The following LMBR1 variants were observed in gnomAD, a reference collection of about 807,000 sequenced individuals.
The protein encoded by LMBR1 is limb development membrane protein 1.
In LMBR1, 52 loss-of-function variants were observed where a neutral mutation model predicts 73.9. That is an observed-to-expected ratio of 0.70 (90% CI 0.56 to 0.89). The LOEUF (loss-of-function observed/expected upper bound fraction) is 0.89, where lower values mean the gene tolerates loss of function less well. Ranked by LOEUF, LMBR1 falls within the 40% of genes least tolerant of loss-of-function variation. The pLI is 0.00. For synonymous variants in LMBR1, 215 were observed against 209.4 expected (o/e 1.03, Z -0.23); for missense variants, 539 against 579.8 (o/e 0.93, Z 0.72).
chr7:156,712,452 G>A lies in LMBR1; in HGVS notation c.1225+11660C>T, dbSNP rs542278547. 1.9e-4 allele frequency among the ~76,000 whole-genome samples: 29 copies of A among 152,288 alleles called. 1 individual carries two copies. Among genetic ancestry groups the A allele is most frequent in the South Asian group, 1.9e-3 (9 of 4,822 alleles). The stretch of plus-strand genomic sequence containing the variant: ...TACAACCTCTATGGAAAAACAGTAT[G>A]GAGATTTCTCAAAGAACTGAAAATA... On this transcript the variant is annotated intron_variant, in intron 15 of 16. Coordinates refer to ENST00000353442, the MANE Select transcript of LMBR1 (RefSeq NM_022458.4).
At chr7:156,724,265 A>G (rs944142582) in intron 14 of LMBR1, 87 bp from the exon 15 acceptor site, 13 of 982,970 alleles carry the variant, frequency 1.3e-5, no homozygotes, top group Non-Finnish European at 2.0e-5. Context: ...ATGATTGTGC[A>G]TTCTAGTTAC....
chr7:156,765,313 G>A (rs1563309433), intron 5 of LMBR1, among the ~76,000 whole-genome samples: 1 of 152,138 alleles, frequency 6.6e-6, no homozygotes, highest in Admixed American at 6.5e-5. Flanking sequence ...TCATGATATT[G>A]AGTGAGTTCT....
At position 156,782,476 on chromosome 7, in the gene LMBR1, C is replaced by T. The variant is rs116534500; in HGVS notation, c.423+13913G>A. Among the ~76,000 whole-genome samples, 1,042 of 152,298 alleles carry T rather than the reference C, an allele frequency of 6.8e-3. 12 individuals carry two copies. Among genetic ancestry groups the T allele is most frequent in the African/African-American group, 0.023 (973 of 41,572 alleles). On this transcript the variant is annotated intron_variant, in intron 5 of 16. Transcript: ENST00000353442. Reference sequence around the variant, plus strand: ...CAATTCCTCCACATCCTTACCAATGCTTGCTGTTTTCTGGGTTTGGCTAGT... The same window carrying T: ...CAATTCCTCCACATCCTTACCAATGTTTGCTGTTTTCTGGGTTTGGCTAGT...
chr7:156,821,618 TG>T (rs1834811493), intron 4 of LMBR1, among the ~76,000 whole-genome samples: 1 of 152,088 alleles, frequency 6.6e-6, no homozygotes, highest in Non-Finnish European at 1.5e-5. Flanking sequence ...ATAAGAAAAT[TG>T]GGATGAGGTA....
intron 1 of LMBR1, among the ~76,000 whole-genome samples, chr7:156,839,820 G>A (rs991728797): frequency 2.0e-5 from 3 of 152,224 alleles, no homozygotes; most frequent in African/African-American, 4.8e-5. Flanking sequence ...TACCTGTTGG[G>A]AACACTGGCT....
intron 15 of LMBR1, among the ~76,000 whole-genome samples, chr7:156,689,977 C>T (rs1024399422): frequency 1.3e-5 from 2 of 152,168 alleles, no homozygotes; most frequent in Admixed American, 6.5e-5. Context: ...ATCATTAGGG[C>T]CAAAGACTCC....
intron 4 of LMBR1, among the ~76,000 whole-genome samples, chr7:156,805,572 A>G (rs1831890075): frequency 6.6e-6 from 1 of 152,342 alleles, no homozygotes; most frequent in Non-Finnish European, 1.5e-5. Flanking sequence ...CAGATGGTCA[A>G]TCCTCTAACT....
intron 1 of LMBR1, among the ~76,000 whole-genome samples, chr7:156,845,617 C>A (rs1424990899): frequency 6.6e-6 from 1 of 151,760 alleles, no homozygotes; most frequent in Admixed American, 6.6e-5. Flanking sequence ...CAGAGACATA[C>A]CAGACTGATG....
At chr7:156,828,186 A>G (rs546236491) in intron 3 of LMBR1, among the ~76,000 whole-genome samples, 111 of 152,254 alleles carry the variant, frequency 7.3e-4, no homozygotes, top group Non-Finnish European at 1.4e-3. Flanking sequence ...TTCTCTCACT[A>G]TGACCCATTT....
intron 5 of LMBR1, among the ~76,000 whole-genome samples, chr7:156,768,343 C>G (rs1824522642): frequency 6.6e-6 from 1 of 151,734 alleles, no homozygotes; most frequent in Admixed American, 6.6e-5. Flanking sequence ...GCCTGGGCAA[C>G]AGAGTGACTC....
intron 1 of LMBR1, among the ~76,000 whole-genome samples, chr7:156,840,581 G>A (rs1429645367): frequency 6.6e-6 from 1 of 152,076 alleles, no homozygotes; most frequent in Admixed American, 6.6e-5. Flanking sequence ...TACCCTGAGT[G>A]AGACAGAATT....
intron 15 of LMBR1, among the ~76,000 whole-genome samples, chr7:156,718,989 TA>T (rs201833696): frequency 6.6e-5 from 10 of 152,048 alleles, no homozygotes; most frequent in African/African-American, 2.2e-4. Context: ...ATGATTTTTT[TA>T]TTATTATTAT....
rs769643837 is a variant in LMBR1 at position 156,796,393 on chromosome 7, T to C, written c.419A>G (p.Lys140Arg). The C allele has an allele frequency of 6.3e-7, 1 of 1,597,226 alleles. No homozygotes were observed. Among genetic ancestry groups the C allele is most frequent in the African/African-American group, 1.3e-5 (1 of 74,532 alleles). ...FLESEGFAGLKKGIRARILET... is the reference protein window; with the variant it reads ...FLESEGFAGLRKGIRARILET... ...TCCAATACTAGATTCACTTACCTTTTTCAGGCCAGCAAAGCCTTCTGATTC... is the reference window on the plus strand; with the variant it reads ...TCCAATACTAGATTCACTTACCTTTCTCAGGCCAGCAAAGCCTTCTGATTC... Residue 140 changes from lysine to arginine, a missense_variant, in exon 5 of 17, where the codon AAA (lysine) becomes AGA (arginine). By Grantham distance (26) the Lys-to-Arg change is conservative (BLOSUM62 2). This residue lies in a region of LMBR1 where 454 missense variants were observed against 473.4 expected (regional missense o/e 0.96). Transcript: ENST00000353442.
At chr7:156,823,610 C>T (rs183388700) in intron 4 of LMBR1, 1 of 152,282 alleles carries the variant, frequency 6.6e-6, no homozygotes, top group Non-Finnish European at 1.5e-5. Context: ...TAGCAAGTCA[C>T]TGGAGGGATA....
intron 1 of LMBR1, among the ~76,000 whole-genome samples, chr7:156,864,354 T>C (rs1367423906): frequency 1.3e-5 from 2 of 152,162 alleles, no homozygotes; most frequent in Non-Finnish European, 2.9e-5. Context: ...GCAGCCTATA[T>C]GATAATTGTA....
intron 15 of LMBR1, among the ~76,000 whole-genome samples, chr7:156,711,272 C>T (rs1049108140): frequency 3.9e-5 from 6 of 152,190 alleles, no homozygotes; most frequent in Non-Finnish European, 8.8e-5. Context: ...GATTACGCCA[C>T]TGCACTCCAG....
chr7:156,789,820 T>C (rs1033050563), intron 5 of LMBR1, among the ~76,000 whole-genome samples: 6 of 152,194 alleles, frequency 3.9e-5, no homozygotes, highest in Admixed American at 3.9e-4. Flanking sequence ...TAGTTTTCTA[T>C]TCCCCCCAAA....
At chr7:156,751,860 T>C (rs548108114) in intron 9 of LMBR1, among the ~76,000 whole-genome samples, 2 of 152,340 alleles carry the variant, frequency 1.3e-5, no homozygotes, top group Admixed American at 1.3e-4. Flanking sequence ...AAGATGCCTA[T>C]TGGACATCCA....
intron 1 of LMBR1, among the ~76,000 whole-genome samples, chr7:156,854,089 G>A (rs559262680): frequency 6.6e-6 from 1 of 152,008 alleles, no homozygotes; most frequent in African/African-American, 2.4e-5. Flanking sequence ...AGTCCAACAT[G>A]AAAGGAGCTT....
Sources: allele counts gnomAD v4.1 joint callset (sites outside exome capture counted in the v4.1 genomes callset), GRCh38; gene constraint gnomAD v4.1.1; regional missense constraint gnomAD v4.1.1; transcripts MANE v1.5; gene names NCBI Gene and HGNC (gene_info 2026-07-23, HGNC 2026-07-21).